MAP3K13: variants seen among roughly 807,000 people sequenced by gnomAD.
MAP3K13 encodes leucine zipper-bearing kinase.
MAP3K13 carries 52 observed loss-of-function variants against 104.0 expected under a neutral mutation model. That is an observed-to-expected ratio of 0.50 (90% CI 0.40 to 0.63). The LOEUF is 0.63. Among genes scored for constraint, MAP3K13 ranks in the 20% least tolerant of loss-of-function variants. The pLI is 0.00. For synonymous variants in MAP3K13, 394 were observed against 442.2 expected (o/e 0.89, Z 1.37); for missense variants, 914 against 1,218.5 (o/e 0.75, Z 3.72).
Position 185,381,049 on chromosome 3 carries a change from G to A in MAP3K13, c.-86+17681G>A, listed in dbSNP as rs538488847. 7.5e-4 allele frequency among the ~76,000 whole-genome samples: 113 copies of A among 149,902 alleles called. No homozygotes were observed. In the Middle Eastern group the frequency reaches 0.01, roughly 14 times the overall value. On this transcript the variant is annotated intron_variant, in intron 1 of 13. Transcript: ENST00000265026. ...AAGATCTCAGCTCACTGCAACCTCC[G>A]CCTCCCAGATTCAACTGATTCTCCT...
At position 185,323,338 on chromosome 3, in the gene MAP3K13, T is replaced by G. The variant is rs577711120; in HGVS notation, c.-86+37695T>G. 2.0e-3 allele frequency among the ~76,000 whole-genome samples: 302 copies of G among 150,480 alleles called. 2 individuals carry two copies. The highest frequency in any genetic ancestry group is 6.8e-3 in the African/African-American group (279 of 41,042). Reference sequence around the variant, plus strand: ...CCACATTACATTTGGCATACCTTTTTTTTTTTTTTTTTTTTGAGACGGAGT... The same window carrying G: ...CCACATTACATTTGGCATACCTTTTGTTTTTTTTTTTTTTTGAGACGGAGT... On this transcript the variant is annotated intron_variant, in intron 2 of 14. Transcript: ENST00000424227.
chr3:185,429,115 C>A (rs577908013), intron 2 of MAP3K13, 59 bp downstream of exon 2: 1 of 1,485,158 alleles, frequency 6.7e-7, no homozygotes, highest in African/African-American at 1.4e-5. Context: ...TCACCACCAC[C>A]GTCACCACCA....
At chr3:185,454,706 TCATATATGA>T (rs1194682147) in intron 7 of MAP3K13, among the ~76,000 whole-genome samples, 11 of 9,290 alleles carry the variant, frequency 1.2e-3, no homozygotes, top group Admixed American at 2.2e-3. Flanking sequence ...GATATATATA[TCATATATGA>T]GATATATATG....
At chr3:185,313,010 C>T (rs1235466693) in intron 2 of MAP3K13, among the ~76,000 whole-genome samples, 1 of 151,940 alleles carries the variant, frequency 6.6e-6, no homozygotes, top group African/African-American at 2.4e-5. Flanking sequence ...CTCAACATGG[C>T]AAAACCCTGT....
At chr3:185,448,990 T>C (rs935000002) in intron 5 of MAP3K13, among the ~76,000 whole-genome samples, 1 of 152,256 alleles carries the variant, frequency 6.6e-6, no homozygotes, top group Non-Finnish European at 1.5e-5. Context: ...GTTATTTTGC[T>C]TATGGTATTT....
intron 1 of MAP3K13, among the ~76,000 whole-genome samples, chr3:185,405,971 T>TCAGTTGA (rs1713092943): frequency 6.6e-6 from 1 of 152,194 alleles, no homozygotes; most frequent in Non-Finnish European, 1.5e-5. Context: ...CTAGTTGACG[T>TCAGTTGA]CAGTTGATCT....
intron 1 of MAP3K13, among the ~76,000 whole-genome samples, chr3:185,372,707 C>G (rs1724217923): frequency 6.6e-6 from 1 of 152,028 alleles, no homozygotes; most frequent in African/African-American, 2.4e-5. Flanking sequence ...TATAAACAGC[C>G]CTTATCTTTT....
At chr3:185,335,544 T>C (rs1196286778) in intron 2 of MAP3K13, among the ~76,000 whole-genome samples, 1 of 152,160 alleles carries the variant, frequency 6.6e-6, no homozygotes. Flanking sequence ...TTTTCCTTGC[T>C]GCAGGTTCCA....
At chr3:185,475,584 G>A (rs1246745336) in intron 11 of MAP3K13, among the ~76,000 whole-genome samples, 2 of 152,052 alleles carry the variant, frequency 1.3e-5, no homozygotes, top group African/African-American at 4.8e-5. Flanking sequence ...GGCCGCGGTG[G>A]CTCACACCTG....
In MAP3K13 at chr3:185,440,789, G is replaced by T. The variant is rs182699677; in HGVS notation, c.660-2656G>T. On this transcript the variant is annotated intron_variant, in intron 3 of 13. Transcript: ENST00000265026. ...GCAGCTGAAGAGATAGGCATGGGTT[G>T]GTAGCTGGCTGAAGGCTTTAACTGG... 2.0e-5 allele frequency among the ~76,000 whole-genome samples: 3 copies of T among 152,282 alleles called. No homozygotes were observed. The East Asian group carries it at 5.8e-4, about 29-fold the overall frequency.
intron 2 of MAP3K13, among the ~76,000 whole-genome samples, chr3:185,288,534 T>TGTG (rs57631600): frequency 0.021 from 3,145 of 147,864 alleles, 57 homozygotes; most frequent in Non-Finnish European, 0.031. Context: ...GTGTGTGTGT[T>TGTG]TGTGTGTATA....
chr3:185,455,716 GATATATATGATATATATATGAGAT>G (rs1560120600), intron 7 of MAP3K13, among the ~76,000 whole-genome samples: 17 of 10,904 alleles, frequency 1.6e-3, no homozygotes, highest in South Asian at 3.3e-3. Context: ...ATATATATGA[GATATATATGATATATATATGAGAT>G]ATATATATGA....
chr3:185,441,450 A>T (rs1207238202), intron 3 of MAP3K13, among the ~76,000 whole-genome samples: 1 of 152,218 alleles, frequency 6.6e-6, no homozygotes, highest in Non-Finnish European at 1.5e-5. Flanking sequence ...AGGAGCTTAC[A>T]ATCTATATGC....
intron 1 of MAP3K13, among the ~76,000 whole-genome samples, chr3:185,414,504 C>T (rs1475957770): frequency 6.6e-6 from 1 of 152,212 alleles, no homozygotes; most frequent in African/African-American, 2.4e-5. Flanking sequence ...TCCCTCCGAA[C>T]TTGAACCATC....
At position 185,443,499 on chromosome 3, in the gene MAP3K13, T is replaced by C; in HGVS notation, c.714T>C (p.His238=). The change falls in exon 4 of 14, where the codon CAT becomes CAC. Residue 238 remains histidine, a synonymous_variant. Coordinates refer to ENST00000265026, the MANE Select transcript of MAP3K13 (RefSeq NM_004721.5). ...GTATTATCATGGAATACTGTGCCCATGGACAACTCTACGAGGTCTTACGAG... is the reference window on the plus strand; with the variant it reads ...GTATTATCATGGAATACTGTGCCCACGGACAACTCTACGAGGTCTTACGAG... The part of the protein sequence containing the change: ...CYCIIMEYCA[H]GQLYEVLRAG... 6.2e-7 allele frequency: 1 copy of C among 1,614,158 alleles called. No homozygotes were observed. Among genetic ancestry groups the C allele is most frequent in the Non-Finnish European group, 8.5e-7 (1 of 1,180,002 alleles).
At chr3:185,344,309 A>G (rs760375175) in intron 2 of MAP3K13, among the ~76,000 whole-genome samples, 3 of 152,170 alleles carry the variant, frequency 2.0e-5, no homozygotes, top group Non-Finnish European at 2.9e-5. Flanking sequence ...GAAATTTTGA[A>G]AAGGAGAGAC....
At chr3:185,330,271 T>A (rs1215649100) in intron 2 of MAP3K13, among the ~76,000 whole-genome samples, 1 of 151,858 alleles carries the variant, frequency 6.6e-6, no homozygotes, top group Admixed American at 6.6e-5. Flanking sequence ...GTTCACTGGG[T>A]TTCCCCTTCC....
chr3:185,358,403 C>T (rs141535408), upstream of MAP3K13, among the ~76,000 whole-genome samples: 492 of 152,206 alleles, frequency 3.2e-3, 3 homozygotes, highest in African/African-American at 0.011. Context: ...ATGGACAACA[C>T]AGAAGCAATA....
intron 10 of MAP3K13, among the ~76,000 whole-genome samples, chr3:185,469,883 C>T (rs964903365): frequency 6.6e-6 from 1 of 152,232 alleles, no homozygotes; most frequent in African/African-American, 2.4e-5. Context: ...TGTCTGGATT[C>T]TACCACTAAT....
Sources: allele counts gnomAD v4.1 joint callset (sites outside exome capture counted in the v4.1 genomes callset), GRCh38; gene constraint gnomAD v4.1.1; transcripts MANE v1.5; gene names NCBI Gene and HGNC (gene_info 2026-07-23, HGNC 2026-07-21).